The following SIPA1L1 variants were observed in gnomAD, a reference collection of about 807,000 sequenced individuals.
The protein encoded by SIPA1L1 is signal induced proliferation associated 1 like 1.
In SIPA1L1, 26 loss-of-function variants were observed where a neutral mutation model predicts 162.7. The observed-to-expected ratio is 0.16, with a 90% CI of 0.12 to 0.22. The LOEUF (loss-of-function observed/expected upper bound fraction) is 0.22. Ranked by LOEUF, SIPA1L1 falls within the 10% of genes least tolerant of loss-of-function variation. The pLI, the probability that SIPA1L1 is intolerant of heterozygous loss-of-function variation, is 1.00. For synonymous variants in SIPA1L1, 829 were observed against 837.4 expected, an observed-to-expected ratio of 0.99 and a Z score of 0.17; for missense variants, 1,874 against 2,241.0, an observed-to-expected ratio of 0.84 and a Z score of 3.31.
rs186935320 is a variant in SIPA1L1 at position 71,419,441 on chromosome 14, C to T, written c.-464-93302C>T. On this transcript the variant is annotated intron_variant, in intron 2 of 23. Transcript: ENST00000381232. ...TTGGGCCAGGGGTGATGGCCCACACCTGTAATCCTGTAATTTGAAAGGCTC... is the reference window on the plus strand; with the variant it reads ...TTGGGCCAGGGGTGATGGCCCACACTTGTAATCCTGTAATTTGAAAGGCTC... Among the ~76,000 whole-genome samples, 3 of 147,922 alleles carry T rather than the reference C, an allele frequency of 2.0e-5. No homozygotes were observed. The East Asian group carries it at 6.0e-4, about 29-fold the overall frequency.
At chr14:71,639,324 C>T (rs1481811334) in intron 7 of SIPA1L1, among the ~76,000 whole-genome samples, 1 of 152,124 alleles carries the variant, frequency 6.6e-6, no homozygotes, top group African/African-American at 2.4e-5. Flanking sequence ...GCAGGAGGAT[C>T]GCTTGAGCCC....
At chr14:71,550,068 G>A (rs973293504) in intron 4 of SIPA1L1, among the ~76,000 whole-genome samples, 3 of 152,030 alleles carry the variant, frequency 2.0e-5, no homozygotes, top group East Asian at 1.9e-4. Context: ...AAACCACAGC[G>A]AGACCCTGTA....
intron 4 of SIPA1L1, among the ~76,000 whole-genome samples, chr14:71,573,332 G>A (rs2032430731): frequency 6.6e-6 from 1 of 152,210 alleles, no homozygotes; most frequent in Non-Finnish European, 1.5e-5. Flanking sequence ...ATTCAAATGT[G>A]GTTGACATTT....
At chr14:71,620,113 A>G (rs1045039338) in intron 6 of SIPA1L1, among the ~76,000 whole-genome samples, 32 of 152,196 alleles carry the variant, frequency 2.1e-4, no homozygotes, top group Admixed American at 7.9e-4. Flanking sequence ...CTCGTTACCC[A>G]GGCTAGAGTG....
At chr14:71,472,116 T>C (rs1200374060) in intron 2 of SIPA1L1, among the ~76,000 whole-genome samples, 2 of 152,206 alleles carry the variant, frequency 1.3e-5, no homozygotes, top group African/African-American at 4.8e-5. Context: ...AGTGCATGGA[T>C]GCCCACCACC....
Position 71,738,261 on chromosome 14 carries a change from C to T in SIPA1L1, c.5144C>T (p.Thr1715Ile). ...PYSSSKDSSP[T>I]LASKVDQLEG... is the part of the protein sequence containing the mutation. ...CCCAGCAGTAAAGACTCCTCTCCCA[C>T]TCTGGCTTCTAAAGTGGACCAGCTG... Residue 1715 changes from threonine to isoleucine, a missense_variant, in exon 23 of 24, where the codon ACT becomes ATT. Around this residue, in one of 5 missense-constraint regions of SIPA1L1, gnomAD observed 936 missense variants for 1,051.9 expected, o/e 0.89. Transcript: ENST00000381232. The T allele has an allele frequency of 6.2e-7, 1 of 1,612,822 alleles. No homozygotes were observed. The highest frequency in any genetic ancestry group is 8.5e-7 in the Non-Finnish European group (1 of 1,179,288).
chr14:71,595,705 T>C (rs572576344), intron 5 of SIPA1L1, among the ~76,000 whole-genome samples: 1 of 152,234 alleles, frequency 6.6e-6, no homozygotes, highest in Non-Finnish European at 1.5e-5. Flanking sequence ...GGCTACCTCA[T>C]TGGCATCTGT....
chr14:71,542,749 CT>C (rs59235396), intron 4 of SIPA1L1, among the ~76,000 whole-genome samples: 18,763 of 123,896 alleles, frequency 0.15, 1,933 homozygotes, highest in Middle Eastern at 0.27. Flanking sequence ...CTCTCTCTCT[CT>C]TTTTTTTTTT....
At chr14:71,710,238 A>G (rs368636688) in intron 17 of SIPA1L1, among the ~76,000 whole-genome samples, 1 of 152,222 alleles carries the variant, frequency 6.6e-6, no homozygotes, top group East Asian at 1.9e-4. Context: ...AATTAGACAT[A>G]CCTTTCAGAA....
chr14:71,544,063 A>G (rs375486114), intron 4 of SIPA1L1, among the ~76,000 whole-genome samples: 2 of 151,512 alleles, frequency 1.3e-5, no homozygotes, highest in East Asian at 1.9e-4. Context: ...ATGTATGTAT[A>G]TACACACGCA....
chr14:71,519,075 C>G (rs1010413447), intron 3 of SIPA1L1, among the ~76,000 whole-genome samples: 1 of 152,158 alleles, frequency 6.6e-6, no homozygotes, highest in African/African-American at 2.4e-5. Flanking sequence ...CTGGGAGATA[C>G]AATTCAAGTT....
intron 17 of SIPA1L1, among the ~76,000 whole-genome samples, chr14:71,719,351 G>A (rs1467661784): frequency 6.6e-6 from 1 of 152,142 alleles, no homozygotes; most frequent in African/African-American, 2.4e-5. Flanking sequence ...ACTTAGTAGG[G>A]TCTCTGAACT....
At chr14:71,404,432 T>C (rs2041900953) in intron 2 of SIPA1L1, among the ~76,000 whole-genome samples, 1 of 152,128 alleles carries the variant, frequency 6.6e-6, no homozygotes, top group Non-Finnish European at 1.5e-5. Flanking sequence ...TAATCCCAGC[T>C]ACTCAGGAGG....
chr14:71,559,063 T>C (rs2056579650), intron 4 of SIPA1L1, among the ~76,000 whole-genome samples: 1 of 151,660 alleles, frequency 6.6e-6, no homozygotes, highest in Non-Finnish European at 1.5e-5. Context: ...ATTTCAGCTT[T>C]ACTTTTTTTT....
intron 2 of SIPA1L1, among the ~76,000 whole-genome samples, chr14:71,325,570 C>T (rs2033694251): frequency 1.3e-5 from 2 of 152,158 alleles, no homozygotes; most frequent in South Asian, 4.1e-4. Flanking sequence ...TCCTTTTATT[C>T]TGGCCTGGAG....
At chr14:71,632,915 T>C (rs2040727758) in intron 7 of SIPA1L1, among the ~76,000 whole-genome samples, 1 of 152,158 alleles carries the variant, frequency 6.6e-6, no homozygotes, top group Non-Finnish European at 1.5e-5. Context: ...ATCCAGAGTC[T>C]CGTAAGTTAA....
At chr14:71,434,157 T>C (rs2044205453) in intron 2 of SIPA1L1, among the ~76,000 whole-genome samples, 2 of 152,356 alleles carry the variant, frequency 1.3e-5, no homozygotes, top group Middle Eastern at 3.4e-3. Context: ...GTTGAACTCT[T>C]TCTGTGTGGT....
intron 6 of SIPA1L1, among the ~76,000 whole-genome samples, chr14:71,619,556 T>A (rs1051011456): frequency 9.9e-5 from 15 of 152,052 alleles, no homozygotes; most frequent in African/African-American, 3.1e-4. Context: ...ATTTTTTTTT[T>A]AAAACACCTA....
At chr14:71,379,057 T>A (rs903785468) in intron 2 of SIPA1L1, among the ~76,000 whole-genome samples, 4 of 152,282 alleles carry the variant, frequency 2.6e-5, no homozygotes, top group African/African-American at 9.6e-5. Flanking sequence ...GTTCTGAAGT[T>A]CTGTATCATG....
Sources: gnomAD v4.1 joint callset for allele counts (sites outside exome capture counted in the v4.1 genomes callset) on GRCh38, gnomAD v4.1.1 for gene constraint, gnomAD v4.1.1 regional missense constraint, MANE v1.5 for transcripts, NCBI Gene and HGNC (gene_info 2026-07-23, HGNC 2026-07-21) for gene names.